Variants in MSTO1 observed in about 807,000 individuals in gnomAD.
The protein encoded by MSTO1 is protein misato homolog 1.
Under a neutral mutation model 55.7 loss-of-function variants are expected in MSTO1, and 24 were observed. The observed-to-expected ratio is 0.43, with a 90% CI of 0.31 to 0.61. The LOEUF is 0.61. Ranked by LOEUF, MSTO1 falls within the 20% of genes least tolerant of loss-of-function variation. The pLI, the probability that MSTO1 is intolerant of heterozygous loss-of-function variation, is 0.09. For missense variants in MSTO1, 363 were observed against 625.7 expected, an observed-to-expected ratio of 0.58 and a Z score of 4.48; for synonymous variants, 162 against 252.8, an observed-to-expected ratio of 0.64 and a Z score of 3.41.
At chr1:155,591,715 G>C in the MSTO1 span, among the ~76,000 whole-genome samples, 2 of 151,844 alleles carry the variant, frequency 1.3e-5, no homozygotes, top group Admixed American at 1.3e-4. Flanking sequence ...GCTTGAACCC[G>C]GGAGGCAGAG....
the MSTO1 span, among the ~76,000 whole-genome samples, chr1:155,584,551 G>T: frequency 2.0e-5 from 3 of 149,578 alleles, no homozygotes; most frequent in Non-Finnish European, 4.4e-5. Flanking sequence ...GGCATGTATG[G>T]TCCCAGCTGC....
the MSTO1 span, among the ~76,000 whole-genome samples, chr1:155,601,101 G>C: frequency 1.3e-5 from 2 of 149,050 alleles, no homozygotes; most frequent in African/African-American, 2.5e-5. Context: ...TTATAGGCTT[G>C]AGCCACCGCA....
At chr1:155,568,494 A>T in the MSTO1 span, among the ~76,000 whole-genome samples, 3 of 152,078 alleles carry the variant, frequency 2.0e-5, no homozygotes, top group Non-Finnish European at 4.4e-5. Context: ...GCTGGAGTGC[A>T]GTGGTGTGAT....
At chr1:155,587,045 G>C in the MSTO1 span, among the ~76,000 whole-genome samples, 4 of 152,288 alleles carry the variant, frequency 2.6e-5, no homozygotes, top group Non-Finnish European at 4.4e-5. Context: ...ACTATACCCA[G>C]CCTTGAATAC....
chr1:155,567,506 G>T, the MSTO1 span, among the ~76,000 whole-genome samples: 236 of 151,536 alleles, frequency 1.6e-3, no homozygotes, highest in Admixed American at 2.3e-3. Flanking sequence ...TAGAGACGGG[G>T]TTTCACCGTG....
chr1:155,583,091 C>T, the MSTO1 span, among the ~76,000 whole-genome samples: 10 of 151,982 alleles, frequency 6.6e-5, no homozygotes, highest in African/African-American at 2.4e-4. Flanking sequence ...GGCTGATCTC[C>T]AACTCCTGGC....
upstream of MSTO1, among the ~76,000 whole-genome samples, chr1:155,606,198 C>A (rs58002112): frequency 0.029 from 819 of 28,104 alleles, 19 homozygotes; most frequent in African/African-American, 0.078. Flanking sequence ...CATGCCCAGC[C>A]TTTTTTTTTT....
At chr1:155,608,597 TCA>T (rs1673058868), upstream of MSTO1, among the ~76,000 whole-genome samples, 1 of 150,838 alleles carries the variant, frequency 6.6e-6, no homozygotes, top group African/African-American at 2.4e-5. Flanking sequence ...CCTCCCGGGT[TCA>T]CGCCATTGTC....
chr1:155,599,358 T>C, the MSTO1 span, among the ~76,000 whole-genome samples: 1 of 152,186 alleles, frequency 6.6e-6, no homozygotes, highest in Non-Finnish European at 1.5e-5. Flanking sequence ...CTTCTTTTGA[T>C]ATTTAATACC....
At chr1:155,588,043 T>TA in the MSTO1 span, among the ~76,000 whole-genome samples, 4 of 150,688 alleles carry the variant, frequency 2.7e-5, no homozygotes, top group African/African-American at 4.9e-5. Context: ...CCGTCTCTAC[T>TA]AAAAAAAATA....
At chr1:155,599,543 G>A in the MSTO1 span, among the ~76,000 whole-genome samples, 1 of 152,162 alleles carries the variant, frequency 6.6e-6, no homozygotes, top group African/African-American at 2.4e-5. Context: ...CATATGAAGG[G>A]GTGGGTTGCC....
the MSTO1 span, among the ~76,000 whole-genome samples, chr1:155,578,667 C>T: frequency 6.6e-6 from 1 of 151,038 alleles, no homozygotes; most frequent in African/African-American, 2.4e-5. Flanking sequence ...CCCGCCACCG[C>T]GCCCGGCTAA....
chr1:155,575,284 T>C, the MSTO1 span, among the ~76,000 whole-genome samples: 1 of 152,172 alleles, frequency 6.6e-6, no homozygotes, highest in Non-Finnish European at 1.5e-5. Flanking sequence ...TTGTCAGTTC[T>C]TTTGATTTGA....
At chr1:155,589,842 T>G in the MSTO1 span, among the ~76,000 whole-genome samples, 2 of 151,762 alleles carry the variant, frequency 1.3e-5, no homozygotes, top group Admixed American at 6.6e-5. Context: ...GGTCTGCGTC[T>G]CCCAGTCCAC....
chr1:155,580,282 T>C, the MSTO1 span, among the ~76,000 whole-genome samples: 1 of 150,612 alleles, frequency 6.6e-6, no homozygotes, highest in African/African-American at 2.4e-5. Context: ...TCCCAGCATG[T>C]TGGGAGATGG....
chr1:155,595,371 A>T, the MSTO1 span, among the ~76,000 whole-genome samples: 1 of 151,614 alleles, frequency 6.6e-6, no homozygotes, highest in Admixed American at 6.6e-5. Context: ...GTGGAGACGG[A>T]GTTTCACTGC....
the MSTO1 span, among the ~76,000 whole-genome samples, chr1:155,603,040 T>C: frequency 0.053 from 8,056 of 151,980 alleles, 725 homozygotes; most frequent in African/African-American, 0.19. Flanking sequence ...ATGTATGTTT[T>C]TTCAAGGCTC....
the MSTO1 span, chr1:155,586,790 C>A: frequency 2.6e-6 from 1 of 390,276 alleles, no homozygotes; most frequent in Non-Finnish European, 5.1e-6. Context: ...CTCTGTCACC[C>A]TGGCTGGAGC....
chr1:155,599,529 T>C, the MSTO1 span, among the ~76,000 whole-genome samples: 1 of 152,122 alleles, frequency 6.6e-6, no homozygotes, highest in African/African-American at 2.4e-5. Flanking sequence ...GATATTACAC[T>C]TTGCATATGA....
Sources: gnomAD v4.1 joint callset for allele counts (sites outside exome capture counted in the v4.1 genomes callset) on GRCh38, gnomAD v4.1.1 for gene constraint, MANE v1.5 for transcripts, NCBI Gene and HGNC (gene_info 2026-07-23, HGNC 2026-07-21) for gene names.